Variants in FMN2 observed in about 807,000 individuals in gnomAD.
FMN2 encodes the protein formin-2.
Under a neutral mutation model 142.3 loss-of-function variants are expected in FMN2, and 51 were observed. The ratio of observed to expected loss-of-function variants is 0.36; its 90% CI spans 0.29 to 0.45. FMN2 has a LOEUF of 0.45. FMN2 is among the 20% of genes least tolerant of loss of function. The pLI is 1.00. For synonymous variants in FMN2, 882 were observed against 869.8 expected, an observed-to-expected ratio of 1.01 and a Z score of -0.25; for missense variants, 1,936 against 2,122.8, an observed-to-expected ratio of 0.91 and a Z score of 1.73.
intron 8 of FMN2, among the ~76,000 whole-genome samples, chr1:240,313,687 C>T (rs995946266): frequency 3.3e-5 from 5 of 151,912 alleles, no homozygotes; most frequent in African/African-American, 9.7e-5. Flanking sequence ...GTGTATACTG[C>T]CCGGGCACGG....
intron 2 of FMN2, chr1:240,144,386 A>G: frequency 1.2e-6 from 2 of 1,606,860 alleles, no homozygotes; most frequent in Non-Finnish European, 1.7e-6. Flanking sequence ...AGCTAAGGCC[A>G]AGAAGTTGCT....
intron 13 of FMN2, among the ~76,000 whole-genome samples, chr1:240,351,240 G>T (rs1246097037): frequency 6.6e-6 from 1 of 152,102 alleles, no homozygotes; most frequent in African/African-American, 2.4e-5. Context: ...CATTCCGCAG[G>T]GGGTGCACTG....
chr1:240,233,980 C>T (rs1391667068), intron 6 of FMN2, among the ~76,000 whole-genome samples: 2 of 152,146 alleles, frequency 1.3e-5, no homozygotes, highest in South Asian at 2.1e-4. Context: ...AGATGTGATT[C>T]AGCCTTTCAG....
At chr1:240,443,910 T>C (rs1405379961) in intron 16 of FMN2, among the ~76,000 whole-genome samples, 1 of 152,112 alleles carries the variant, frequency 6.6e-6, no homozygotes, top group African/African-American at 2.4e-5. Context: ...CAGGAAGGCA[T>C]TGGCATGACT....
chr1:240,148,109 G>T (rs1033497121), intron 2 of FMN2, among the ~76,000 whole-genome samples: 12 of 152,176 alleles, frequency 7.9e-5, no homozygotes, highest in African/African-American at 2.2e-4. Flanking sequence ...TGATCATTAT[G>T]GCTTTGGTTA....
intron 5 of FMN2, among the ~76,000 whole-genome samples, chr1:240,209,407 C>CGG (rs1301952948): frequency 1.3e-5 from 2 of 151,506 alleles, no homozygotes; most frequent in Admixed American, 6.6e-5. Flanking sequence ...CCCGCCACCA[C>CGG]GCCCGGTTAA....
At chr1:240,415,687 A>G (rs1377177853) in intron 15 of FMN2, among the ~76,000 whole-genome samples, 2 of 152,230 alleles carry the variant, frequency 1.3e-5, no homozygotes, top group Non-Finnish European at 2.9e-5. Context: ...AGCATTAGTC[A>G]TAATACACCT....
chr1:240,305,441 T>C (rs1316122999), intron 8 of FMN2, among the ~76,000 whole-genome samples: 1 of 152,214 alleles, frequency 6.6e-6, no homozygotes, highest in Non-Finnish European at 1.5e-5. Context: ...TTGTAGTCTA[T>C]AGTAAAAAAC....
chr1:240,369,034 C>G (rs1212302839), intron 14 of FMN2, among the ~76,000 whole-genome samples: 2 of 151,224 alleles, frequency 1.3e-5, no homozygotes, highest in Admixed American at 6.6e-5. Flanking sequence ...ACATAGGTAC[C>G]GTGTGTGCAC....
At chr1:240,178,172 T>C in intron 3 of FMN2, 104 bp downstream of exon 3, 2 of 1,275,022 alleles carry the variant, frequency 1.6e-6, no homozygotes, top group Admixed American at 3.3e-5. Flanking sequence ...TTTAATTGCA[T>C]GGCATTCAGA....
At chr1:240,267,212 T>A (rs941153989) in intron 7 of FMN2, among the ~76,000 whole-genome samples, 6 of 151,934 alleles carry the variant, frequency 3.9e-5, no homozygotes, top group Admixed American at 2.6e-4. Flanking sequence ...ACAAAGGTCT[T>A]TTATCCAGCA....
At chr1:240,191,716 T>G (rs568921859) in intron 4 of FMN2, among the ~76,000 whole-genome samples, 15 of 152,366 alleles carry the variant, frequency 9.8e-5, no homozygotes, top group African/African-American at 3.4e-4. Flanking sequence ...GGTAACATGC[T>G]TCACCTGGTA....
At chr1:240,277,194 G>A (rs1044186176) in intron 7 of FMN2, among the ~76,000 whole-genome samples, 3 of 152,146 alleles carry the variant, frequency 2.0e-5, no homozygotes, top group Non-Finnish European at 2.9e-5. Context: ...TTGGTGGATT[G>A]TTGGATAATA....
At chr1:240,115,967 G>A (rs566927813) in intron 1 of FMN2, among the ~76,000 whole-genome samples, 1 of 152,154 alleles carries the variant, frequency 6.6e-6, no homozygotes. Flanking sequence ...CCCCCTTAAA[G>A]AACATACAGG....
At chr1:240,152,571 C>G (rs1022250034) in intron 2 of FMN2, among the ~76,000 whole-genome samples, 6 of 152,180 alleles carry the variant, frequency 3.9e-5, no homozygotes, top group Non-Finnish European at 5.9e-5. Context: ...CTTCTTCTTA[C>G]GCTTGTTCCC....
chr1:240,474,223 G>A lies in FMN2; in HGVS notation c.*69G>A. 7.3e-7 allele frequency: 1 copy of A among 1,369,426 alleles called. No individual in the cohort carries two copies. Among genetic ancestry groups the A allele is most frequent in the South Asian group, 1.4e-5 (1 of 71,108 alleles). The allele number at this position is 1,369,426 out of a possible 1,614,324, so 84.8% of individuals were successfully genotyped here. A position where few individuals can be genotyped will look rare whatever the true frequency, so the allele number is the denominator to read the frequency against. ...ACAAAATTCAGCTGACCTGAGAGTG[G>A]GAGGGAAACTACCGTCATTCTGCTC... On this transcript the variant is annotated 3_prime_UTR_variant, in exon 18 of 18. Transcript: ENST00000319653.
At chr1:240,096,739 CAG>C (rs1471584956) in intron 1 of FMN2, among the ~76,000 whole-genome samples, 3 of 152,136 alleles carry the variant, frequency 2.0e-5, no homozygotes, top group Admixed American at 6.5e-5. Flanking sequence ...CAGGAAGAAA[CAG>C]ATGTTTTTCG....
chr1:240,229,034 G>A (rs779558124), intron 6 of FMN2, among the ~76,000 whole-genome samples: 5 of 151,726 alleles, frequency 3.3e-5, no homozygotes, highest in Admixed American at 6.6e-5. Flanking sequence ...GGATTCTGGT[G>A]ACTTTCGGAC....
chr1:240,218,409 G>A (rs1040028945), intron 6 of FMN2, among the ~76,000 whole-genome samples: 20 of 151,582 alleles, frequency 1.3e-4, no homozygotes, highest in Non-Finnish European at 2.2e-4. Context: ...ATAGAATAGA[G>A]TATAAGTGCT....
Sources: allele counts gnomAD v4.1 joint callset (sites outside exome capture counted in the v4.1 genomes callset), GRCh38; gene constraint gnomAD v4.1.1; transcripts MANE v1.5; gene names NCBI Gene and HGNC (gene_info 2026-07-23, HGNC 2026-07-21).